Variants in ITGB1 observed in about 807,000 individuals in gnomAD.
ITGB1 encodes integrin subunit beta 1, also known as integrin beta-1.
Under a neutral mutation model 86.5 loss-of-function variants are expected in ITGB1, and 24 were observed. The ratio of observed to expected loss-of-function variants is 0.28; its 90% CI spans 0.20 to 0.39. The LOEUF is 0.39. Among genes scored for constraint, ITGB1 ranks in the 10% least tolerant of loss-of-function variants. The pLI is 1.00. For synonymous variants in ITGB1, 323 were observed against 316.8 expected, an observed-to-expected ratio of 1.02 and a Z score of -0.21; for missense variants, 556 against 946.9, an observed-to-expected ratio of 0.59 and a Z score of 5.42.
At chr10:32,903,008 G>A (rs1416203016) in intron 15 of ITGB1, among the ~76,000 whole-genome samples, 1 of 152,090 alleles carries the variant, frequency 6.6e-6, no homozygotes, top group East Asian at 1.9e-4. Flanking sequence ...CAAGGTGTAG[G>A]GAAAAGAATG....
Position 32,914,788 on chromosome 10 carries a change from C to T in ITGB1, c.1470-2664G>A, listed in dbSNP as rs558317848. ...GAAAGTTAACAAGGATATCCAGGAA[C>T]TGAACTCAGCTCTGCACCAAGTGGA... On this transcript the variant is annotated intron_variant, in intron 11 of 15. Coordinates refer to ENST00000302278, the MANE Select transcript of ITGB1 (RefSeq NM_002211.4). 3.9e-5 allele frequency among the ~76,000 whole-genome samples: 6 copies of T among 152,020 alleles called. No individual in the cohort carries two copies. In the South Asian group the frequency reaches 1.3e-3, roughly 32 times the overall value.
intron 1 of ITGB1, among the ~76,000 whole-genome samples, chr10:32,948,912 A>T (rs1469138314): frequency 1.3e-5 from 2 of 151,574 alleles, no homozygotes; most frequent in African/African-American, 4.8e-5. Flanking sequence ...GTGTTTTATT[A>T]ATCAAACCCA....
chr10:32,943,994 T>C (rs1022418710), intron 1 of ITGB1, among the ~76,000 whole-genome samples: 3 of 152,140 alleles, frequency 2.0e-5, no homozygotes, highest in Non-Finnish European at 4.4e-5. Context: ...TTAACTCCAC[T>C]AACACTTCTA....
chr10:32,910,746 A>T (rs1427358197), intron 13 of ITGB1, among the ~76,000 whole-genome samples: 1 of 150,726 alleles, frequency 6.6e-6, no homozygotes, highest in Non-Finnish European at 1.5e-5. Context: ...TGTAACATAA[A>T]ATCATAATAA....
At chr10:32,928,430 A>C (rs1444431488) in intron 4 of ITGB1, among the ~76,000 whole-genome samples, 166 bp from the exon 5 acceptor site, 1 of 152,254 alleles carries the variant, frequency 6.6e-6, no homozygotes, top group Non-Finnish European at 1.5e-5. Context: ...ATGGGTATGT[A>C]TTCAGTTTCA....
chr10:32,914,965 C>T (rs2094926948), intron 11 of ITGB1, among the ~76,000 whole-genome samples: 1 of 152,242 alleles, frequency 6.6e-6, no homozygotes, highest in South Asian at 2.1e-4. Context: ...AACAAACTGT[C>T]TCTCAGACCA....
chr10:32,943,787 G>C (rs942924997), intron 1 of ITGB1, among the ~76,000 whole-genome samples: 5 of 152,168 alleles, frequency 3.3e-5, no homozygotes, highest in Non-Finnish European at 1.5e-5. Flanking sequence ...CAGGAAAAGA[G>C]AGAGACACTT....
rs1182789186 is a variant in ITGB1, at chr10:32,923,737, G to A, written c.790C>T (p.Leu264=). ...CGTGTAACATTCCTCCAGCCAATCA[G>A]TGACTTGAAAAGAAAAGGATTTCAA... ...AIMQVAVCGS[L]IGWRNVTRLL... is the part of the protein sequence containing the mutation. Residue 264 remains leucine (L), a synonymous_variant, in exon 7 of 16, where the codon CTG becomes TTG. Coordinates refer to ENST00000302278, the MANE Select transcript of ITGB1 (RefSeq NM_002211.4). 1.2e-6 allele frequency: 2 copies of A among 1,609,302 alleles called. No individual in the cohort carries two copies. The highest frequency in any genetic ancestry group is 1.3e-5 in the African/African-American group (1 of 74,640).
In ITGB1 at chr10:32,910,325, C is replaced by T. The variant is rs2094909115; in HGVS notation, c.2062G>A (p.Val688Met). 1.2e-6 allele frequency: 2 copies of T among 1,603,792 alleles called. No individual in the cohort carries two copies. Among genetic ancestry groups the T allele is most frequent in the Admixed American group, 1.7e-5 (1 of 59,914 alleles). ...ACATCCTTCTCCTTACAATGGGACA[C>T]AGGATCAGGTTGGACCGGCTGGGGT... ...KLPQPVQPDP[V>M]SHCKEKDVDD... is the part of the protein sequence containing the mutation. Residue 688 changes from valine to methionine, a missense_variant, in exon 14 of 16, where the codon GTG becomes ATG. Coordinates refer to ENST00000302278, the MANE Select transcript of ITGB1 (RefSeq NM_002211.4).
Position 32,932,541 on chromosome 10 carries a change from G to T in ITGB1, c.127C>A (p.Pro43Thr). 1 of 1,609,254 alleles carries T rather than the reference G, an allele frequency of 6.2e-7. No individual in the cohort carries two copies. The highest frequency in any genetic ancestry group is 8.5e-7 in the Non-Finnish European group (1 of 1,175,846). The part of the protein sequence containing the change: ...KSCGECIQAG[P>T]NCGWCTNSTF... ...GAATTTGTGCACCACCCACAATTTG[G>T]CCCTGCTTGTATACATTCTCCACAT... Residue 43 changes from proline to threonine, a missense_variant, in exon 3 of 16, where the codon CCA becomes ACA. This residue lies in a region of ITGB1 where 183 missense variants were observed against 263.9 expected (regional missense o/e 0.69). Transcript: ENST00000302278.
intron 15 of ITGB1, among the ~76,000 whole-genome samples, chr10:32,904,384 T>G (rs893477114): frequency 6.6e-6 from 1 of 152,168 alleles, no homozygotes; most frequent in Non-Finnish European, 1.5e-5. Flanking sequence ...TGGCTGACAG[T>G]GGTAGCTGCA....
At chr10:32,910,146 C>G in intron 14 of ITGB1, 77 bp downstream of exon 14, 1 of 1,070,904 alleles carries the variant, frequency 9.3e-7, no homozygotes, top group Non-Finnish European at 1.4e-6. Flanking sequence ...GAGGCTGTTT[C>G]TGGATGTTAG....
intron 15 of ITGB1, among the ~76,000 whole-genome samples, chr10:32,907,446 A>G (rs1029905919): frequency 6.6e-6 from 1 of 152,226 alleles, no homozygotes; most frequent in Non-Finnish European, 1.5e-5. Flanking sequence ...CAATGCTAAC[A>G]TAACCTTTCG....
chr10:32,948,379 A>C (rs2095036200), intron 1 of ITGB1, among the ~76,000 whole-genome samples: 1 of 152,220 alleles, frequency 6.6e-6, no homozygotes, highest in South Asian at 2.1e-4. Context: ...TCATAAAAAC[A>C]TAGTAGACAA....
chr10:32,914,442 C>T (rs2094925116), intron 11 of ITGB1, among the ~76,000 whole-genome samples: 1 of 151,996 alleles, frequency 6.6e-6, no homozygotes, highest in Non-Finnish European at 1.5e-5. Flanking sequence ...GAGACAAACA[C>T]AGGCTCAAAA....
In ITGB1 at chr10:32,908,418, T is replaced by C; in HGVS notation, c.2281A>G (p.Arg761Gly). Residue 761 changes from arginine to glycine, a missense_variant, in exon 15 of 16, where the codon AGG becomes GGG. Around this residue, in one of 4 missense-constraint regions of ITGB1, gnomAD observed 18 missense variants for 75.2 expected, o/e 0.24. Coordinates refer to ENST00000302278, the MANE Select transcript of ITGB1 (RefSeq NM_002211.4). ...WKLLMIIHDR[R>G]EFAKFEKEKM... is the part of the protein sequence containing the mutation. ...TCCTTTTCAAATTTAGCAAACTCCC[T>C]TCTGTCATGAATTATCATTAAAAGC... 6.2e-7 allele frequency: 1 copy of C among 1,613,834 alleles called. No individual in the cohort carries two copies. Among genetic ancestry groups the C allele is most frequent in the East Asian group, 2.2e-5 (1 of 44,856 alleles).
At chr10:32,912,168 A>T (rs2094915482) in intron 11 of ITGB1, 44 bp from the exon 12 acceptor site, 1 of 1,530,006 alleles carries the variant, frequency 6.5e-7, no homozygotes, top group South Asian at 1.2e-5. Flanking sequence ...AACAAAAATA[A>T]TTTAAGAGGT....
In ITGB1 at chr10:32,902,249, T is replaced by C. The variant is rs190510192; in HGVS notation, c.2332-614A>G. On this transcript the variant is annotated intron_variant, in intron 15 of 15. Transcript: ENST00000302278. ...AATAACTTGTTATGCTTCAATATCA[T>C]ATTGGTGAAATGTCTTATTGCAGTG... Among the ~76,000 whole-genome samples the C allele has an allele frequency of 1.6e-4, 25 of 152,318 alleles. No individual in the cohort carries two copies. The East Asian group carries it at 2.1e-3, about 13-fold the overall frequency.
chr10:32,952,604 AT>A (rs1412265087), intron 1 of ITGB1, among the ~76,000 whole-genome samples: 1 of 152,216 alleles, frequency 6.6e-6, no homozygotes, highest in Non-Finnish European at 1.5e-5. Flanking sequence ...TTATTTACAT[AT>A]TCATTCAATA....
Sources: gnomAD v4.1 joint callset for allele counts (sites outside exome capture counted in the v4.1 genomes callset) on GRCh38, gnomAD v4.1.1 for gene constraint, gnomAD v4.1.1 regional missense constraint, MANE v1.5 for transcripts, NCBI Gene and HGNC (gene_info 2026-07-23, HGNC 2026-07-21) for gene names.